Variants in ZNF506 observed in about 807,000 individuals in gnomAD.
ZNF506 encodes zinc finger protein 506.
ZNF506 carries 10 observed loss-of-function variants against 11.6 expected under a neutral mutation model. The observed-to-expected ratio is 0.86, with a 90% CI of 0.53 to 1.46. The LOEUF (loss-of-function observed/expected upper bound fraction) is 1.46. Among genes scored for constraint, ZNF506 ranks in the 40% most tolerant of loss-of-function variants. The pLI is 0.00. For synonymous variants in ZNF506, 156 were observed against 173.3 expected (o/e 0.90, Z 0.78); for missense variants, 425 against 521.2 (o/e 0.82, Z 1.80).
At chr19:19,813,125 A>T (rs2062896088) in intron 1 of ZNF506, among the ~76,000 whole-genome samples, 2 of 152,198 alleles carry the variant, frequency 1.3e-5, no homozygotes, top group South Asian at 4.1e-4. Flanking sequence ...GGGTGGCCAC[A>T]TCACCTGTCT....
rs141640245 is a variant in ZNF506, at chr19:19,803,611, C to T, written c.226+2420G>A. Among the ~76,000 whole-genome samples the T allele has an allele frequency of 5.3e-3, 811 of 152,276 alleles. 8 individuals are homozygous for T. The highest frequency in any genetic ancestry group is 0.017 in the African/African-American group (727 of 41,564). ...TGTATCAAGCCAACTAAAGGTGAAC[C>T]CTAGTGCAGACCCAGCAGCCTTGTG... On this transcript the variant is annotated intron_variant, in intron 3 of 3. Coordinates refer to ENST00000540806, the MANE Select transcript of ZNF506 (RefSeq NM_001099269.3).
intron 3 of ZNF506, among the ~76,000 whole-genome samples, chr19:19,799,646 T>C (rs1037078916): frequency 3.9e-5 from 6 of 152,124 alleles, no homozygotes; most frequent in Admixed American, 3.9e-4. Flanking sequence ...CGGTGGCTCA[T>C]GCCTGTTACC....
rs2062833433 is a variant in ZNF506, at chr19:19,806,057, C to T, written c.200G>A (p.Arg67Lys). 5.6e-6 allele frequency: 9 copies of T among 1,610,340 alleles called. No individual in the cohort carries two copies. Among genetic ancestry groups the T allele is most frequent in the Non-Finnish European group, 7.6e-6 (9 of 1,178,820 alleles). Residue 67 changes from arginine (R) to lysine (K), a missense_variant, in exon 3 of 4, where the codon AGG (arginine) becomes AAG (lysine). By Grantham distance (26) the Arg-to-Lys change is conservative. Around this residue, in one of 3 missense-constraint regions of ZNF506, gnomAD observed 226 missense variants for 279.1 expected, o/e 0.81. Coordinates refer to ENST00000540806, the MANE Select transcript of ZNF506 (RefSeq NM_001099269.3). ...TGGGGGTTTGGCAATCATCTCATGC[C>T]TCTTCATAGTTAAAGGTTTTTTTCC... ...EQGKKPLTMK[R>K]HEMIAKPPVM...
intron 1 of ZNF506, among the ~76,000 whole-genome samples, chr19:19,807,786 G>A (rs2062846972): frequency 6.6e-6 from 1 of 152,116 alleles, no homozygotes; most frequent in Non-Finnish European, 1.5e-5. Flanking sequence ...GGGATTATAG[G>A]CGTGAGCCAC....
At chr19:19,808,751 G>A (rs1242880038) in intron 1 of ZNF506, among the ~76,000 whole-genome samples, 2 of 146,356 alleles carry the variant, frequency 1.4e-5, no homozygotes, top group Non-Finnish European at 3.0e-5. Flanking sequence ...GCTAAGGCAG[G>A]AGAATTGTTT....
chr19:19,816,082 A>G (rs2062928392), intron 1 of ZNF506, among the ~76,000 whole-genome samples: 1 of 152,068 alleles, frequency 6.6e-6, no homozygotes, highest in African/African-American at 2.4e-5. Context: ...TTTCTTACCT[A>G]TCACACAGCC....
chr19:19,797,901 T>C (rs1327957086), intron 3 of ZNF506: 4 of 152,184 alleles, frequency 2.6e-5, no homozygotes, highest in Admixed American at 2.0e-4. Context: ...ATCACCAAAA[T>C]TGTACTACCA....
intron 1 of ZNF506, among the ~76,000 whole-genome samples, chr19:19,816,650 G>A (rs945698347): frequency 6.6e-5 from 10 of 151,898 alleles, no homozygotes; most frequent in South Asian, 2.1e-4. Flanking sequence ...GAGCCACTGC[G>A]CCTGACTTGT....
intron 3 of ZNF506, chr19:19,798,141 A>C (rs1283695823): frequency 1.3e-5 from 2 of 152,194 alleles, no homozygotes; most frequent in African/African-American, 4.8e-5. Flanking sequence ...GTTAATCATA[A>C]TGGTACAGTT....
chr19:19,805,610 T>C (rs570653077), intron 3 of ZNF506, among the ~76,000 whole-genome samples: 1 of 152,150 alleles, frequency 6.6e-6, no homozygotes, highest in Non-Finnish European at 1.5e-5. Flanking sequence ...AACAAAAAAA[T>C]GGAACAGAAA....
At chr19:19,815,986 T>G (rs932587044) in intron 1 of ZNF506, among the ~76,000 whole-genome samples, 1 of 152,182 alleles carries the variant, frequency 6.6e-6, no homozygotes, top group African/African-American at 2.4e-5. Context: ...TTTTTCTGAT[T>G]AATAAAATTC....
intron 1 of ZNF506, among the ~76,000 whole-genome samples, chr19:19,814,442 A>G (rs1297781773): frequency 6.6e-6 from 1 of 151,344 alleles, no homozygotes; most frequent in Non-Finnish European, 1.5e-5. Context: ...AATAATGCAG[A>G]AACAGAAAAC....
chr19:19,808,833 G>A, intron 1 of ZNF506, among the ~76,000 whole-genome samples: 1 of 111,162 alleles, frequency 9.0e-6, no homozygotes. Context: ...GACACAGCGA[G>A]ACTCTGTCTC....
At chr19:19,799,467 A>T in intron 3 of ZNF506, 1 of 671,518 alleles carries the variant, frequency 1.5e-6, no homozygotes, top group Non-Finnish European at 2.7e-6. Context: ...GGTCAAAAAC[A>T]AAGTCTTAAC....
At position 19,793,088 on chromosome 19, in the gene ZNF506, A is replaced by T. The variant is rs538083589; in HGVS notation, c.*1464T>A. ...TAAAATAACAGCGTAAAGAAATTTG[A>T]AAGTTGTATTACATCATTATTCACT... is the stretch of plus-strand genomic sequence containing the variant. On this transcript the variant is annotated 3_prime_UTR_variant, in exon 4 of 4. Transcript: ENST00000540806. 6.6e-6 allele frequency among the ~76,000 whole-genome samples: 1 copy of T among 152,192 alleles called. No individual in the cohort carries two copies. Among genetic ancestry groups the T allele is most frequent in the African/African-American group, 2.4e-5 (1 of 41,448 alleles).
intron 3 of ZNF506, among the ~76,000 whole-genome samples, chr19:19,803,504 A>G: frequency 6.6e-6 from 1 of 152,170 alleles, no homozygotes; most frequent in East Asian, 1.9e-4. Context: ...AACATGTCCT[A>G]ATGTCTGCCC....
intron 1 of ZNF506, among the ~76,000 whole-genome samples, chr19:19,818,323 C>G (rs924573189): frequency 6.6e-6 from 1 of 152,038 alleles, no homozygotes; most frequent in Non-Finnish European, 1.5e-5. Context: ...GAAATAGAAC[C>G]AAGATATTCA....
Position 19,795,471 on chromosome 19 carries a change from G to GT in ZNF506, c.415dup (p.Thr139AsnfsTer10). 1 of 1,594,628 alleles carries GT rather than the reference G, an allele frequency of 6.3e-7. No individual in the cohort carries two copies. Among genetic ancestry groups the GT allele is most frequent in the Non-Finnish European group, 8.5e-7 (1 of 1,172,870 alleles). On this transcript the variant is annotated frameshift_variant, in exon 4 of 4. Coordinates refer to ENST00000540806, the MANE Select transcript of ZNF506 (RefSeq NM_001099269.3). LOFTEE classifies it low-confidence loss of function (END_TRUNC). ...ACATTGAAATATTTTTCTCTGGGTA[G>GT]TTGCCAAACATTGTTTAAGTCCATT...
intron 3 of ZNF506, among the ~76,000 whole-genome samples, chr19:19,800,989 C>T (rs1233643429): frequency 2.7e-5 from 4 of 150,744 alleles, no homozygotes; most frequent in Non-Finnish European, 4.4e-5. Context: ...GGTAAAACCC[C>T]GTCTCTACTA....
Sources: allele counts gnomAD v4.1 joint callset (sites outside exome capture counted in the v4.1 genomes callset), GRCh38; gene constraint gnomAD v4.1.1; regional missense constraint gnomAD v4.1.1; transcripts MANE v1.5; gene names NCBI Gene and HGNC (gene_info 2026-07-23, HGNC 2026-07-21).